ADH5: variants seen among roughly 807,000 people sequenced by gnomAD.
ADH5 encodes the protein alcohol dehydrogenase class-3.
Under a neutral mutation model 40.3 loss-of-function variants are expected in ADH5, and 32 were observed. The observed-to-expected ratio is 0.79, with a 90% CI of 0.60 to 1.07. The LOEUF is 1.07. Among genes scored for constraint, ADH5 ranks in the 50% least tolerant of loss-of-function variants. ADH5 has a pLI of 0.00. For missense variants in ADH5, 353 were observed against 460.5 expected (o/e 0.77, Z 2.14); for synonymous variants, 125 against 154.3 (o/e 0.81, Z 1.41).
intron 2 of ADH5, 72 bp from the exon 3 acceptor site, chr4:99,082,188 G>A (rs1728039244): frequency 2.9e-5 from 42 of 1,463,332 alleles, no homozygotes; most frequent in Non-Finnish European, 3.8e-5. Context: ...TACAAGAAAA[G>A]TCATTTTATT....
chr4:99,083,014 C>A (rs1728056950), intron 2 of ADH5, among the ~76,000 whole-genome samples: 1 of 152,140 alleles, frequency 6.6e-6, no homozygotes, highest in Admixed American at 6.6e-5. Context: ...CACAGAAAGG[C>A]AAAATCTTGG....
At chr4:99,081,760 G>A (rs192354374) in intron 3 of ADH5, 1 of 624,556 alleles carries the variant, frequency 1.6e-6, no homozygotes, top group East Asian at 2.9e-5. Flanking sequence ...TTTTGGAAAT[G>A]TACTTAGAAA....
intron 2 of ADH5, 112 bp downstream of exon 2, chr4:99,085,003 T>C (rs551822133): frequency 4.1e-6 from 2 of 484,294 alleles, no homozygotes; most frequent in African/African-American, 4.0e-5. Context: ...TTCAACACCT[T>C]TTCTTTGACA....
At position 99,072,678 on chromosome 4, in the gene ADH5, A is replaced by G. The variant is rs1165840824; in HGVS notation, c.995T>C (p.Val332Ala). ...TATCTTTTTGGACATATATTCAGACACCAACTTTGGGACACTTTCTACACT... is the reference window on the plus strand; with the variant it reads ...TATCTTTTTGGACATATATTCAGACGCCAACTTTGGGACACTTTCTACACT... ...WKSVESVPKLVSEYMSKKIKV... is the reference protein window; with the variant it reads ...WKSVESVPKLASEYMSKKIKV... The change falls in exon 8 of 9, where the codon GTG (valine) becomes GCG (alanine). Residue 332 changes from valine (V) to alanine (A), a missense_variant. Physicochemically the swap from Val to Ala is moderately conservative, Grantham distance 64 (BLOSUM62 0). Transcript: ENST00000296412. The G allele has an allele frequency of 1.2e-6, 2 of 1,613,010 alleles. No homozygotes were observed. Among genetic ancestry groups the G allele is most frequent in the Admixed American group, 1.7e-5 (1 of 59,842 alleles).
At chr4:99,078,878 T>C (rs1030451611) in intron 4 of ADH5, among the ~76,000 whole-genome samples, 7 of 152,246 alleles carry the variant, frequency 4.6e-5, no homozygotes, top group Admixed American at 2.0e-4. Context: ...ACTATTATAT[T>C]TGATGTGTTG....
At chr4:99,075,466 C>CA (rs1048326416) in intron 6 of ADH5, 1 of 152,634 alleles carries the variant, frequency 6.6e-6, no homozygotes, top group Non-Finnish European at 1.5e-5. Flanking sequence ...CTTGGCCTCC[C>CA]AAAATGCTGG....
intron 4 of ADH5, among the ~76,000 whole-genome samples, chr4:99,079,286 G>C (rs1157424985): frequency 1.3e-5 from 2 of 152,190 alleles, no homozygotes; most frequent in Non-Finnish European, 2.9e-5. Flanking sequence ...ATCAATACTG[G>C]TATTTTGAAT....
intron 1 of ADH5, among the ~76,000 whole-genome samples, chr4:99,087,396 A>AGGGGGGGGGGGGG (rs112581712): frequency 5.8e-5 from 2 of 34,588 alleles, no homozygotes; most frequent in African/African-American, 8.0e-5. Context: ...CTGGCGGGGG[A>AGGGGGGGGGGGGG]GGGGGGGGGG....
chr4:99,083,389 CA>C (rs1485700147), intron 2 of ADH5, among the ~76,000 whole-genome samples: 1 of 151,860 alleles, frequency 6.6e-6, no homozygotes, highest in African/African-American at 2.4e-5. Flanking sequence ...CACTTGAGGT[CA>C]GTAGTTGGAG....
At chr4:99,075,317 G>A (rs897315184) in intron 6 of ADH5, 16 of 198,096 alleles carry the variant, frequency 8.1e-5, no homozygotes, top group Admixed American at 1.2e-4. Flanking sequence ...CACCTCCTGG[G>A]TTCAAGTGAT....
Position 99,076,279 on chromosome 4 carries a change from A to C in ADH5, c.825+13T>G. The stretch of plus-strand genomic sequence containing the variant: ...AGTTCCATAAACTAAAAAGGAATGA[A>C]GCCCATACTCACCATGACCTTCACA... On this transcript the variant is annotated intron_variant, in intron 6 of 8. Transcript: ENST00000296412. The C allele has an allele frequency of 1.2e-6, 2 of 1,613,590 alleles. No individual in the cohort carries two copies. The highest frequency in any genetic ancestry group is 1.7e-6 in the Non-Finnish European group (2 of 1,179,550).
intron 7 of ADH5, among the ~76,000 whole-genome samples, chr4:99,073,371 G>T (rs1309744907): frequency 6.6e-6 from 1 of 152,052 alleles, no homozygotes; most frequent in Non-Finnish European, 1.5e-5. Context: ...GTAAAGATGG[G>T]GTTTCACCAT....
chr4:99,079,925 C>T, intron 4 of ADH5: 1 of 443,278 alleles, frequency 2.3e-6, no homozygotes. Context: ...AGAATGGGTA[C>T]AGAAAATTCT....
chr4:99,082,055 C>T lies in ADH5; in HGVS notation c.176G>A (p.Gly59Asp), dbSNP rs1448361166. 2.5e-6 allele frequency: 4 copies of T among 1,613,866 alleles called. No individual in the cohort carries two copies. Among genetic ancestry groups the T allele is most frequent in the Non-Finnish European group, 2.5e-6 (3 of 1,179,866 alleles). ...AYTLSGADPE[G>D]CFPVILGHEG... is the part of the protein sequence containing the mutation. ...ATGTCCCAAGATCACTGGAAAACAA[C>T]CCTCAGGATCAGCTCCACTCAGGGT... Residue 59 changes from glycine (G) to aspartate (D), a missense_variant, in exon 3 of 9, where the codon GGT (glycine) becomes GAT (aspartate). Coordinates refer to ENST00000296412, the MANE Select transcript of ADH5 (RefSeq NM_000671.4).
chr4:99,082,185 A>G, intron 2 of ADH5, 69 bp from the exon 3 acceptor site: 8 of 1,485,866 alleles, frequency 5.4e-6, no homozygotes, highest in Non-Finnish European at 7.3e-6. Flanking sequence ...AGATACAAGA[A>G]AAGTCATTTT....
intron 5 of ADH5, 30 bp from the exon 6 acceptor site, chr4:99,076,582 C>T (rs1727936570): frequency 1.9e-6 from 3 of 1,604,204 alleles, no homozygotes; most frequent in Non-Finnish European, 2.6e-6. Flanking sequence ...ATAAAGTACT[C>T]ATTCTACCAG....
rs1210610660 is a variant in ADH5, at chr4:99,082,091, G to C, written c.140C>G (p.Thr47Ser). ...AGCTCCACTCAGGGTATAGGCATCG[G>C]TGTGGCAAACCGCAGTGGCAATGAT... ...IKIIATAVCH[T>S]DAYTLSGADP... is the part of the protein sequence containing the mutation. Residue 47 changes from threonine to serine, a missense_variant, in exon 3 of 9, where the codon ACC (threonine) becomes AGC (serine). By Grantham distance (58) the Thr-to-Ser change is moderately conservative. Coordinates refer to ENST00000296412, the MANE Select transcript of ADH5 (RefSeq NM_000671.4). The C allele has an allele frequency of 1.2e-6, 2 of 1,613,876 alleles. No homozygotes were observed.
At chr4:99,078,584 TAG>T (rs1430517902) in intron 4 of ADH5, among the ~76,000 whole-genome samples, 3 of 152,128 alleles carry the variant, frequency 2.0e-5, no homozygotes, top group African/African-American at 7.2e-5. Context: ...AAATTTTTTA[TAG>T]AGAGGGGGTT....
At chr4:99,076,593 A>G (rs1180533433) in intron 5 of ADH5, 41 bp from the exon 6 acceptor site, 6 of 1,598,404 alleles carry the variant, frequency 3.8e-6, no homozygotes, top group Non-Finnish European at 5.1e-6. Context: ...ATTCTACCAG[A>G]GTCAAGAGAA....
Sources: gnomAD v4.1 joint callset for allele counts (sites outside exome capture counted in the v4.1 genomes callset) on GRCh38, gnomAD v4.1.1 for gene constraint, MANE v1.5 for transcripts, NCBI Gene and HGNC (gene_info 2026-07-23, HGNC 2026-07-21) for gene names.